SDK1: variants seen among roughly 807,000 people sequenced by gnomAD.
SDK1 encodes the protein sidekick cell adhesion molecule 1.
A neutral mutation model predicts 245.5 loss-of-function variants in SDK1; 157 were observed. That is an observed-to-expected ratio of 0.64 (90% CI 0.56 to 0.73). The LOEUF is 0.73. SDK1 is among the 30% of genes least tolerant of loss of function. The pLI is 0.00. For synonymous variants in SDK1, 1,647 were observed against 1,278.5 expected, an observed-to-expected ratio of 1.29 and a Z score of -6.15; for missense variants, 3,583 against 3,002.3, an observed-to-expected ratio of 1.19 and a Z score of -4.52.
At chr7:3,567,846 C>G (rs911916649) in intron 1 of SDK1, among the ~76,000 whole-genome samples, 1 of 152,158 alleles carries the variant, frequency 6.6e-6, no homozygotes, top group Admixed American at 6.5e-5. Flanking sequence ...GGGTCTTGCC[C>G]TGTTGCATAG....
At chr7:3,401,682 G>A (rs1279333498) in intron 1 of SDK1, among the ~76,000 whole-genome samples, 1 of 151,746 alleles carries the variant, frequency 6.6e-6, no homozygotes, top group African/African-American at 2.4e-5. Context: ...TTACTTCTCT[G>A]AGCCTTATTT....
chr7:3,705,640 C>A (rs1427842453), intron 4 of SDK1, among the ~76,000 whole-genome samples: 1 of 151,976 alleles, frequency 6.6e-6, no homozygotes, highest in Non-Finnish European at 1.5e-5. Context: ...TTTATCGAAT[C>A]AAGTAGTCCT....
chr7:3,987,250 G>C lies in SDK1; in HGVS notation c.2059G>C (p.Val687Leu). The C allele has an allele frequency of 1.2e-6, 2 of 1,614,108 alleles. No individual in the cohort carries two copies. The highest frequency in any genetic ancestry group is 1.7e-6 in the Non-Finnish European group (2 of 1,179,984). Reference sequence around the variant, plus strand: ...TAATTCTTCCCACAGCCACGCCGTGGTGCTCTCTTGGGTCCGGCCCTTTGA... The same window carrying C: ...TAATTCTTCCCACAGCCACGCCGTGCTGCTCTCTTGGGTCCGGCCCTTTGA... ...SPNSSHSHAV[V>L]LSWVRPFDGN... is the part of the protein sequence containing the mutation. The change falls in exon 14 of 45, where the codon GTG (valine) becomes CTG (leucine). Residue 687 changes from valine (V) to leucine (L), a missense_variant. Transcript: ENST00000404826.
intron 35 of SDK1, among the ~76,000 whole-genome samples, chr7:4,194,219 T>C (rs1783408592): frequency 6.6e-6 from 1 of 151,880 alleles, no homozygotes. Flanking sequence ...TATATATATG[T>C]ATACACGTAT....
In SDK1 at chr7:3,395,630, T is replaced by G. The variant is rs560857309; in HGVS notation, c.298+93746T>G. Among the ~76,000 whole-genome samples the G allele has an allele frequency of 3.3e-5, 5 of 152,152 alleles. No individual in the cohort carries two copies. The East Asian group carries it at 9.6e-4, about 29-fold the overall frequency. The stretch of plus-strand genomic sequence containing the variant: ...GTGAAGGAATCTGAGCCTGGACTTT[T>G]CTTTGTGGGAACATATTTTAAAAGC... On this transcript the variant is annotated intron_variant, in intron 1 of 44. Transcript: ENST00000404826.
intron 5 of SDK1, among the ~76,000 whole-genome samples, chr7:3,833,655 C>T (rs10485868): frequency 0.015 from 2,231 of 152,284 alleles, 66 homozygotes; most frequent in African/African-American, 0.051. Flanking sequence ...TTTCATACTT[C>T]GTTAGCCTAC....
rs187513159 is a variant in SDK1 at position 3,798,327 on chromosome 7, C to T, written c.714-23123C>T. ...CTACCTCCTGGGTTCACACCATTCTCCTGCCTCAGCCTCCCGAGTAGCTGG... is the reference window on the plus strand; with the variant it reads ...CTACCTCCTGGGTTCACACCATTCTTCTGCCTCAGCCTCCCGAGTAGCTGG... On this transcript the variant is annotated intron_variant, in intron 4 of 44. Transcript: ENST00000404826. 5.3e-4 allele frequency among the ~76,000 whole-genome samples: 80 copies of T among 150,904 alleles called. 1 individual carries two copies. The highest frequency in any genetic ancestry group is 9.9e-4 in the Non-Finnish European group (67 of 67,884).
intron 1 of SDK1, among the ~76,000 whole-genome samples, chr7:3,543,116 A>G (rs543500829): frequency 1.3e-5 from 2 of 152,244 alleles, no homozygotes; most frequent in African/African-American, 2.4e-5. Context: ...GTGTTGACCT[A>G]TGTCTCCAAA....
chr7:3,457,491 C>A (rs945172093), intron 1 of SDK1, among the ~76,000 whole-genome samples: 4 of 152,130 alleles, frequency 2.6e-5, no homozygotes, highest in African/African-American at 7.2e-5. Context: ...GTGTGTACAT[C>A]CTTATGACTA....
chr7:4,057,976 A>G (rs1243027742), intron 19 of SDK1, among the ~76,000 whole-genome samples: 1 of 152,222 alleles, frequency 6.6e-6, no homozygotes, highest in Non-Finnish European at 1.5e-5. Flanking sequence ...AGATATCAAC[A>G]TAAGGACACA....
chr7:3,622,696 T>C (rs1005658061), intron 2 of SDK1, among the ~76,000 whole-genome samples: 16 of 152,210 alleles, frequency 1.1e-4, no homozygotes, highest in African/African-American at 2.9e-4. Context: ...GTTGGTTGTA[T>C]TGAAGCAAGA....
At chr7:3,329,341 A>T (rs1780011033) in intron 1 of SDK1, among the ~76,000 whole-genome samples, 1 of 152,112 alleles carries the variant, frequency 6.6e-6, no homozygotes, top group African/African-American at 2.4e-5. Context: ...CTCCTTTTTC[A>T]CATACTTTTT....
At chr7:4,256,153 C>T (rs1234227697) in intron 44 of SDK1, among the ~76,000 whole-genome samples, 1 of 152,180 alleles carries the variant, frequency 6.6e-6, no homozygotes, top group Non-Finnish European at 1.5e-5. Context: ...CTCCTGACCT[C>T]AAGTGATCCG....
intron 4 of SDK1, among the ~76,000 whole-genome samples, chr7:3,754,547 C>A (rs1049546336): frequency 2.0e-5 from 3 of 152,270 alleles, no homozygotes; most frequent in East Asian, 3.9e-4. Context: ...AAAGTTGATT[C>A]TCCTTTCCTC....
intron 5 of SDK1, among the ~76,000 whole-genome samples, chr7:3,943,294 C>G (rs533460132): frequency 6.7e-6 from 1 of 149,892 alleles, no homozygotes; most frequent in South Asian, 2.1e-4. Flanking sequence ...TCCCTCTGAG[C>G]TGTGGCCGGA....
chr7:3,950,314 C>T (rs1219685391), intron 5 of SDK1, among the ~76,000 whole-genome samples: 1 of 152,152 alleles, frequency 6.6e-6, no homozygotes, highest in East Asian at 1.9e-4. Context: ...TTTGGGTTTC[C>T]TATTAGCGTG....
chr7:3,795,858 G>A (rs77675192), intron 4 of SDK1, among the ~76,000 whole-genome samples: 4 of 152,134 alleles, frequency 2.6e-5, no homozygotes, highest in Non-Finnish European at 4.4e-5. Context: ...GACTGATTTT[G>A]CTCAGAATAA....
At chr7:3,341,262 G>GT (rs1780341063) in intron 1 of SDK1, among the ~76,000 whole-genome samples, 1 of 152,110 alleles carries the variant, frequency 6.6e-6, no homozygotes, top group Non-Finnish European at 1.5e-5. Flanking sequence ...AGAAAAATCA[G>GT]CATCTATCAG....
intron 32 of SDK1, among the ~76,000 whole-genome samples, chr7:4,169,078 G>A (rs1781675097): frequency 6.6e-6 from 1 of 152,184 alleles, no homozygotes; most frequent in Non-Finnish European, 1.5e-5. Flanking sequence ...GGTTGTCAGG[G>A]GCCCAGGAGA....
Sources: allele counts gnomAD v4.1 joint callset (sites outside exome capture counted in the v4.1 genomes callset), GRCh38; gene constraint gnomAD v4.1.1; transcripts MANE v1.5; gene names NCBI Gene and HGNC (gene_info 2026-07-23, HGNC 2026-07-21).